Variants in RBPMS observed in about 807,000 individuals in gnomAD.
RBPMS encodes RNA-binding protein with multiple splicing.
In RBPMS, 7 loss-of-function variants were observed where a neutral mutation model predicts 26.8. The observed-to-expected ratio is 0.26, with a 90% confidence interval of 0.15 to 0.49. The LOEUF is 0.49. RBPMS is among the 20% of genes least tolerant of loss of function. The pLI is 0.98. For missense variants in RBPMS, 186 were observed against 250.0 expected, an observed-to-expected ratio of 0.74 and a Z score of 1.73; for synonymous variants, 96 against 93.3, an observed-to-expected ratio of 1.03 and a Z score of -0.17.
At chr8:30,516,388 C>T (rs1822311160) in intron 5 of RBPMS, among the ~76,000 whole-genome samples, 1 of 140,898 alleles carries the variant, frequency 7.1e-6, no homozygotes, top group Non-Finnish European at 1.6e-5. Flanking sequence ...AACTGTATCT[C>T]AAAAAAGAAA....
At chr8:30,474,714 T>A in intron 1 of RBPMS, 65 bp from the exon 2 acceptor site, 1 of 861,424 alleles carries the variant, frequency 1.2e-6, no homozygotes, top group South Asian at 1.4e-5. Flanking sequence ...TTCTGAGATA[T>A]CAGGTGAGAG....
intron 5 of RBPMS, among the ~76,000 whole-genome samples, chr8:30,544,036 C>T (rs1291799791): frequency 6.6e-6 from 1 of 152,168 alleles, no homozygotes; most frequent in Non-Finnish European, 1.5e-5. Flanking sequence ...TGCCAATAAA[C>T]AGAAAAGTCT....
chr8:30,545,329 TC>T, intron 6 of RBPMS: 1 of 1,155,588 alleles, frequency 8.7e-7, no homozygotes, highest in Non-Finnish European at 1.1e-6. Context: ...TACTAACACT[TC>T]CTCTCCCCTT....
chr8:30,542,978 C>T (rs1825541406), intron 5 of RBPMS, among the ~76,000 whole-genome samples: 2 of 152,156 alleles, frequency 1.3e-5, no homozygotes, highest in Admixed American at 6.5e-5. Flanking sequence ...GATCAGTCCA[C>T]TCTTAGGGGC....
chr8:30,421,041 G>A (rs1810719318), intron 1 of RBPMS, among the ~76,000 whole-genome samples: 1 of 152,160 alleles, frequency 6.6e-6, no homozygotes, highest in African/African-American at 2.4e-5. Context: ...TTCATCCCAT[G>A]CTTTAAATTT....
intron 1 of RBPMS, among the ~76,000 whole-genome samples, chr8:30,466,972 C>T (rs1816574842): frequency 6.6e-6 from 1 of 152,334 alleles, no homozygotes; most frequent in South Asian, 2.1e-4. Context: ...CAAAACTTGC[C>T]TTCCCAGGGC....
At chr8:30,542,527 C>T (rs771356947) in intron 5 of RBPMS, among the ~76,000 whole-genome samples, 15 of 152,364 alleles carry the variant, frequency 9.8e-5, no homozygotes, top group East Asian at 3.9e-4. Flanking sequence ...AGGCCAAACA[C>T]GTTCCCCCTG....
In RBPMS at chr8:30,518,711, T is replaced by TTTTTTTTTC. The variant is rs1554533817; in HGVS notation, c.397+14279_397+14280insTTTTCTTTT. Among the ~76,000 whole-genome samples, 2 of 136,636 alleles carry TTTTTTTTTC rather than the reference T, an allele frequency of 1.5e-5. 1 individual carries two copies. Among genetic ancestry groups the TTTTTTTTTC allele is most frequent in the Non-Finnish European group, 3.1e-5 (2 of 63,924 alleles). 89.6% of individuals were successfully genotyped at this position (136,636 alleles called of 152,430 possible). On this transcript the variant is annotated intron_variant, in intron 5 of 8. Coordinates refer to ENST00000397323, the MANE Select transcript of RBPMS (RefSeq NM_001008710.3). ...ACTTTTTTTTTTTTTTTTTTTTTTTTTTTTCTGAAAAGGAGTATGATTTTT... is the reference window on the plus strand; with the variant it reads ...ACTTTTTTTTTTTTTTTTTTTTTTTTTTTTTTTTCTTTTCTGAAAAGGAGTATGATTTTT...
chr8:30,503,180 A>G (rs1820736109), intron 4 of RBPMS, among the ~76,000 whole-genome samples: 1 of 152,012 alleles, frequency 6.6e-6, no homozygotes, highest in South Asian at 2.1e-4. Flanking sequence ...TCTTCCTTGT[A>G]TACTTGAAGC....
chr8:30,461,136 C>T (rs1308034420), intron 1 of RBPMS, among the ~76,000 whole-genome samples: 4 of 151,974 alleles, frequency 2.6e-5, no homozygotes, highest in Non-Finnish European at 4.4e-5. Context: ...AACTACATAG[C>T]TTCTACTGCC....
intron 1 of RBPMS, among the ~76,000 whole-genome samples, chr8:30,430,102 C>A (rs1811766686): frequency 6.6e-6 from 1 of 152,106 alleles, no homozygotes; most frequent in African/African-American, 2.4e-5. Context: ...TATGGTGAAA[C>A]CCCATCTCTA....
chr8:30,509,040 C>A (rs1056341347), intron 5 of RBPMS, among the ~76,000 whole-genome samples: 1 of 152,008 alleles, frequency 6.6e-6, no homozygotes, highest in African/African-American at 2.4e-5. Flanking sequence ...CCAAGGAGTC[C>A]GGTTCTGCAG....
intron 5 of RBPMS, among the ~76,000 whole-genome samples, chr8:30,510,499 C>A (rs77434259): frequency 7.2e-6 from 1 of 138,248 alleles, no homozygotes; most frequent in African/African-American, 2.6e-5. Context: ...CACCACACTG[C>A]CTTTTTTTTT....
At chr8:30,449,000 G>C (rs1814209046) in intron 1 of RBPMS, among the ~76,000 whole-genome samples, 1 of 152,196 alleles carries the variant, frequency 6.6e-6, no homozygotes, top group Non-Finnish European at 1.5e-5. Flanking sequence ...GTCAGGCCTA[G>C]AAATTTGGGA....
intron 1 of RBPMS, among the ~76,000 whole-genome samples, chr8:30,443,233 T>C (rs1375478444): frequency 6.6e-6 from 1 of 152,208 alleles, no homozygotes; most frequent in East Asian, 1.9e-4. Context: ...TAAACTGTAA[T>C]ACTTAATATT....
chr8:30,415,594 A>G (rs1480198455), intron 1 of RBPMS, among the ~76,000 whole-genome samples: 1 of 152,342 alleles, frequency 6.6e-6, no homozygotes, highest in East Asian at 1.9e-4. Context: ...ATTATCAGAT[A>G]TCAGGTTCTG....
chr8:30,473,169 G>C (rs1817319497), intron 1 of RBPMS, among the ~76,000 whole-genome samples: 1 of 152,130 alleles, frequency 6.6e-6, no homozygotes. Flanking sequence ...TTGTGTGTTT[G>C]ACCCTAAGCT....
intron 1 of RBPMS, among the ~76,000 whole-genome samples, chr8:30,423,040 T>C (rs1018007547): frequency 1.3e-5 from 2 of 152,214 alleles, no homozygotes; most frequent in Admixed American, 6.5e-5. Context: ...AACCAGGACC[T>C]GGCTCCAGGT....
chr8:30,487,653 A>T (rs901592583), intron 4 of RBPMS, among the ~76,000 whole-genome samples: 1 of 152,150 alleles, frequency 6.6e-6, no homozygotes, highest in African/African-American at 2.4e-5. Flanking sequence ...GGGAGAAGAA[A>T]GAGTAAATGT....
Sources: gnomAD v4.1 joint callset for allele counts (sites outside exome capture counted in the v4.1 genomes callset) on GRCh38, gnomAD v4.1.1 for gene constraint, MANE v1.5 for transcripts, NCBI Gene and HGNC (gene_info 2026-07-23, HGNC 2026-07-21) for gene names.